DCPS: variants seen among roughly 807,000 people sequenced by gnomAD.
The protein encoded by DCPS is m7GpppX diphosphatase.
DCPS carries 27 observed loss-of-function variants against 34.7 expected under a neutral mutation model. That is an observed-to-expected ratio of 0.78 (90% CI 0.57 to 1.07). The LOEUF is 1.07. Among genes scored for constraint, DCPS ranks in the 50% least tolerant of loss-of-function variants. The pLI, the probability that DCPS is intolerant of heterozygous loss-of-function variation, is 0.00. For missense variants in DCPS, 464 were observed against 436.9 expected, an observed-to-expected ratio of 1.06 and a Z score of -0.55; for synonymous variants, 185 against 185.7, an observed-to-expected ratio of 1.00 and a Z score of 0.03.
chr11:126,310,196 T>TA (rs1951609166), intron 2 of DCPS, among the ~76,000 whole-genome samples: 1 of 152,158 alleles, frequency 6.6e-6, no homozygotes, highest in African/African-American at 2.4e-5. Flanking sequence ...CACTGGTCTT[T>TA]AAAAAAACAC....
In DCPS at chr11:126,306,178, G is replaced by A. The variant is rs1449789404; in HGVS notation, c.202-392G>A. 4.6e-5 allele frequency among the ~76,000 whole-genome samples: 7 copies of A among 152,084 alleles called. No homozygotes were observed. The East Asian group carries it at 1.4e-3, about 29-fold the overall frequency. On this transcript the variant is annotated intron_variant, in intron 1 of 5. Transcript: ENST00000263579. ...ATTTGAGATCGGGAGTTCAAGACCA[G>A]CCTGGCCAACATGGTGAAACCCCAT...
intron 2 of DCPS, among the ~76,000 whole-genome samples, chr11:126,311,548 G>A (rs993330366): frequency 1.3e-5 from 2 of 152,244 alleles, no homozygotes; most frequent in African/African-American, 4.8e-5. Flanking sequence ...AGGGCTCTCT[G>A]CAGTGGAGCT....
rs904360615 is a variant in DCPS, at chr11:126,312,574, C to T, written c.376+5830C>T. On this transcript the variant is annotated intron_variant, in intron 2 of 5. Coordinates refer to ENST00000263579, the MANE Select transcript of DCPS (RefSeq NM_014026.6). The surrounding 1 kb of genome is among the most constrained non-coding windows in gnomAD (Gnocchi z 5.1). The stretch of plus-strand genomic sequence containing the variant: ...CAGGCTGGTCTCAAACTCCTGATCT[C>T]GGGTGATCCGCCCGCTTTGGCTGCT... 8.5e-5 allele frequency among the ~76,000 whole-genome samples: 13 copies of T among 152,120 alleles called. No individual in the cohort carries two copies. The highest frequency in any genetic ancestry group is 2.9e-4 in the African/African-American group (12 of 41,416).
intron 4 of DCPS, among the ~76,000 whole-genome samples, chr11:126,340,445 C>T (rs998492702): frequency 6.6e-6 from 1 of 152,206 alleles, no homozygotes; most frequent in African/African-American, 2.4e-5. Flanking sequence ...CCTCAGCAAC[C>T]CAAGTAGCTG....
chr11:126,315,308 C>G lies in DCPS; in HGVS notation c.376+8564C>G, dbSNP rs1330146623. Reference sequence around the variant, plus strand: ...GGTGCAGTAGCTCATGCCTGTAATTCCAGCACTTTGGGAGGCCGAGGCAGG... The same window carrying G: ...GGTGCAGTAGCTCATGCCTGTAATTGCAGCACTTTGGGAGGCCGAGGCAGG... On this transcript the variant is annotated intron_variant, in intron 2 of 5. Transcript: ENST00000263579. The surrounding 1 kb of genome is among the most constrained non-coding windows in gnomAD (Gnocchi z 6.1). Among the ~76,000 whole-genome samples, 1 of 152,004 alleles carries G rather than the reference C, an allele frequency of 6.6e-6. No homozygotes were observed. The highest frequency in any genetic ancestry group is 1.5e-5 in the Non-Finnish European group (1 of 68,012).
rs564971820 is a variant in DCPS, at chr11:126,323,824, A to G, written c.377-7581A>G. Among the ~76,000 whole-genome samples, 137 of 151,956 alleles carry G rather than the reference A, an allele frequency of 9.0e-4. No homozygotes were observed. Among genetic ancestry groups the G allele is most frequent in the African/African-American group, 3.2e-3 (133 of 41,442 alleles). On this transcript the variant is annotated intron_variant, in intron 2 of 5. Coordinates refer to ENST00000263579, the MANE Select transcript of DCPS (RefSeq NM_014026.6). The surrounding 1 kb of genome is among the most constrained non-coding windows in gnomAD (Gnocchi z 4.4). ...GGCATGAGCCACCAAACCTGACCCT[A>G]AAGTTGTTTTTTTGTTTGTTTTTTG...
Position 126,320,779 on chromosome 11 carries a change from C to T in DCPS, c.377-10626C>T, listed in dbSNP as rs1951699637. ...GGGAGACAGAGCCAGACCCTGTCTC[C>T]AGAAAAAAAAGGAGAGGAGACAACA... On this transcript the variant is annotated intron_variant, in intron 2 of 5. Transcript: ENST00000263579. This position sits in a 1 kb window ranked among gnomAD's most constrained non-coding sequence, Gnocchi z 4.7. Among the ~76,000 whole-genome samples, 2 of 151,014 alleles carry T rather than the reference C, an allele frequency of 1.3e-5. No homozygotes were observed. The highest frequency in any genetic ancestry group is 4.9e-5 in the African/African-American group (2 of 41,076).
Position 126,338,928 on chromosome 11 carries a change from TCTC to T in DCPS, c.636+532_636+534del, listed in dbSNP as rs1439015222. ...TGCCCTGCCTCCAAGCACCTCTGCT[TCTC>T]CTACTTTCCTAAGGAGCAGGTTTGG... On this transcript the variant is annotated intron_variant, in intron 4 of 5. Transcript: ENST00000263579. The surrounding 1 kb of genome is among the most constrained non-coding windows in gnomAD (Gnocchi z 5.4). Among the ~76,000 whole-genome samples the T allele has an allele frequency of 6.6e-6, 1 of 152,162 alleles. No individual in the cohort carries two copies. Among genetic ancestry groups the T allele is most frequent in the East Asian group, 1.9e-4 (1 of 5,186 alleles).
rs1413810798 is a variant in DCPS at position 126,347,244 on chromosome 11, G to C, written c.*1631G>C. Among the ~76,000 whole-genome samples, 1 of 62,740 alleles carries C rather than the reference G, an allele frequency of 1.6e-5. No homozygotes were observed. The highest frequency in any genetic ancestry group is 6.1e-5 in the African/African-American group (1 of 16,440). 41.2% of individuals were successfully genotyped at this position (62,740 alleles called of 152,430 possible). A position where few individuals can be genotyped will look rare whatever the true frequency, so the allele number is the denominator to read the frequency against. ...AGCTCTTTTTTTTTTTTTTTTTTTTGAGACAATCTCGCTCCATCACCCAGG... is the reference window on the plus strand; with the variant it reads ...AGCTCTTTTTTTTTTTTTTTTTTTTCAGACAATCTCGCTCCATCACCCAGG... On this transcript the variant is annotated 3_prime_UTR_variant, in exon 6 of 6. Transcript: ENST00000263579. The surrounding 1 kb of genome is among the most constrained non-coding windows in gnomAD (Gnocchi z 4.2).
rs1951852681 is a variant in DCPS at position 126,338,488 on chromosome 11, T to C, written c.636+89T>C. On this transcript the variant is annotated intron_variant, in intron 4 of 5. Coordinates refer to ENST00000263579, the MANE Select transcript of DCPS (RefSeq NM_014026.6). The surrounding 1 kb of genome is among the most constrained non-coding windows in gnomAD (Gnocchi z 5.4). The stretch of plus-strand genomic sequence containing the variant: ...GACTGCCCTCTTTCTCACGCTGGCC[T>C]GTCTCTAAGCAGATTATAATTAACC... The C allele has an allele frequency of 6.7e-6, 8 of 1,196,204 alleles. No individual in the cohort carries two copies. The highest frequency in any genetic ancestry group is 3.6e-5 in the Admixed American group (2 of 55,706). 74.1% of individuals were successfully genotyped at this position (1,196,204 alleles called of 1,614,324 possible). A position where few individuals can be genotyped will look rare whatever the true frequency, so the allele number is the denominator to read the frequency against.
intron 2 of DCPS, among the ~76,000 whole-genome samples, chr11:126,330,111 C>T (rs988024214): frequency 1.3e-5 from 2 of 152,104 alleles, no homozygotes; most frequent in East Asian, 3.9e-4. Flanking sequence ...AGGAAGCTAG[C>T]CTAGAGTCTG....
At chr11:126,305,288 A>G (rs2135306163) in intron 1 of DCPS, among the ~76,000 whole-genome samples, 1 of 150,268 alleles carries the variant, frequency 6.7e-6, no homozygotes, top group African/African-American at 2.5e-5. Flanking sequence ...TAATTTTTGT[A>G]TTTTTAGTAG....
chr11:126,332,168 G>A lies in DCPS; in HGVS notation c.522+618G>A, dbSNP rs564967327. Among the ~76,000 whole-genome samples the A allele has an allele frequency of 7.2e-5, 11 of 152,244 alleles. No homozygotes were observed. The highest frequency in any genetic ancestry group is 2.0e-4 in the Admixed American group (3 of 15,296). On this transcript the variant is annotated intron_variant, in intron 3 of 5. Coordinates refer to ENST00000263579, the MANE Select transcript of DCPS (RefSeq NM_014026.6). The surrounding 1 kb of genome is among the most constrained non-coding windows in gnomAD (Gnocchi z 5.4). Reference sequence around the variant, plus strand: ...TCAGAGGAAAAACTCTTCCCTCACCGACTCCCCCTTGCATTCGTCCAAAAG... The same window carrying A: ...TCAGAGGAAAAACTCTTCCCTCACCAACTCCCCCTTGCATTCGTCCAAAAG...
intron 1 of DCPS, among the ~76,000 whole-genome samples, chr11:126,306,218 CA>C (rs1951563703): frequency 6.6e-6 from 1 of 151,982 alleles, no homozygotes; most frequent in Non-Finnish European, 1.5e-5. Flanking sequence ...ACTAAAAATA[CA>C]AAAATTAGCC....
In DCPS at chr11:126,322,359, G is replaced by C. The variant is rs998084590; in HGVS notation, c.377-9046G>C. Among the ~76,000 whole-genome samples, 5 of 152,088 alleles carry C rather than the reference G, an allele frequency of 3.3e-5. No homozygotes were observed. The highest frequency in any genetic ancestry group is 1.2e-4 in the African/African-American group (5 of 41,410). ...GCTCACTGCAACCTCCGTCTCCTGGGTTCAAGCAATTCTCCTGTCTCATTC... is the reference window on the plus strand; with the variant it reads ...GCTCACTGCAACCTCCGTCTCCTGGCTTCAAGCAATTCTCCTGTCTCATTC... On this transcript the variant is annotated intron_variant, in intron 2 of 5. Transcript: ENST00000263579. This position sits in a 1 kb window ranked among gnomAD's most constrained non-coding sequence, Gnocchi z 4.2.
rs150814550 is a variant in DCPS, at chr11:126,323,370, G to T, written c.377-8035G>T. Among the ~76,000 whole-genome samples, 5 of 152,172 alleles carry T rather than the reference G, an allele frequency of 3.3e-5. No individual in the cohort carries two copies. The highest frequency in any genetic ancestry group is 1.2e-4 in the African/African-American group (5 of 41,528). On this transcript the variant is annotated intron_variant, in intron 2 of 5. Coordinates refer to ENST00000263579, the MANE Select transcript of DCPS (RefSeq NM_014026.6). This position sits in a 1 kb window ranked among gnomAD's most constrained non-coding sequence, Gnocchi z 4.4. Reference sequence around the variant, plus strand: ...TTGAGCGGTAGAAAGTTCAGCTTTAGAAACATTGTGTTTATTTCCATTGTA... The same window carrying T: ...TTGAGCGGTAGAAAGTTCAGCTTTATAAACATTGTGTTTATTTCCATTGTA...
rs1189630683 is a variant in DCPS, at chr11:126,342,151, T to G, written c.637-1156T>G. On this transcript the variant is annotated intron_variant, in intron 4 of 5. Transcript: ENST00000263579. The surrounding 1 kb of genome is among the most constrained non-coding windows in gnomAD (Gnocchi z 4.4). ...TGATGTCTGGGGCCTTCCAGGCGCA[T>G]GGATGGAATTACCAGGCAAGGCCAG... 1 of 152,236 alleles carries G rather than the reference T, an allele frequency of 6.6e-6. No individual in the cohort carries two copies. The highest frequency in any genetic ancestry group is 6.5e-5 in the Admixed American group (1 of 15,284). The allele number at this position is 152,236 out of a possible 1,614,324, so 9.4% of individuals were successfully genotyped here.
intron 2 of DCPS, among the ~76,000 whole-genome samples, chr11:126,309,025 T>C (rs10547510): frequency 0.37 from 29,291 of 79,888 alleles, 3,886 homozygotes; most frequent in East Asian, 0.74. Flanking sequence ...TTCCTGCCCC[T>C]TTTTTTTTTT....
chr11:126,339,432 C>T (rs1951860329), intron 4 of DCPS, among the ~76,000 whole-genome samples: 1 of 152,218 alleles, frequency 6.6e-6, no homozygotes, highest in African/African-American at 2.4e-5. Context: ...TTGTGGCTGC[C>T]TATGACACCT....
Sources: allele counts gnomAD v4.1 joint callset (sites outside exome capture counted in the v4.1 genomes callset), GRCh38; gene constraint gnomAD v4.1.1; non-coding constraint Gnocchi (gnomAD v3.1); transcripts MANE v1.5; gene names NCBI Gene and HGNC (gene_info 2026-07-23, HGNC 2026-07-21).